The following SOX6 variants were observed in gnomAD, a reference collection of about 807,000 sequenced individuals.
SOX6 encodes the protein SRY-box transcription factor 6, also known as transcription factor SOX-6.
A neutral mutation model predicts 97.8 loss-of-function variants in SOX6; 11 were observed. That is an observed-to-expected ratio of 0.11 (90% CI 0.07 to 0.19). SOX6 has a LOEUF of 0.19. Among genes scored for constraint, SOX6 ranks in the 10% least tolerant of loss-of-function variants. SOX6 has a pLI of 1.00. For missense variants in SOX6, 810 were observed against 1,039.5 expected, an observed-to-expected ratio of 0.78 and a Z score of 3.04; for synonymous variants, 360 against 371.4, an observed-to-expected ratio of 0.97 and a Z score of 0.35.
chr11:16,670,846 A>T (rs1280429007), intron 3 of SOX6, among the ~76,000 whole-genome samples: 1 of 151,354 alleles, frequency 6.6e-6, no homozygotes, highest in Non-Finnish European at 1.5e-5. Flanking sequence ...GCAGCCCAGG[A>T]GTGCAAAGCC....
chr11:16,565,931 C>T (rs1186094287), intron 4 of SOX6, among the ~76,000 whole-genome samples: 4 of 151,772 alleles, frequency 2.6e-5, no homozygotes, highest in Non-Finnish European at 5.9e-5. Flanking sequence ...CCCGTCTCTA[C>T]TAAAAATACA....
intron 13 of SOX6, among the ~76,000 whole-genome samples, chr11:15,995,557 C>CA (rs1190265689): frequency 6.6e-6 from 1 of 151,674 alleles, no homozygotes; most frequent in African/African-American, 2.4e-5. Flanking sequence ...ACTCAGAGAT[C>CA]AAAAAATAAA....
intron 4 of SOX6, among the ~76,000 whole-genome samples, chr11:16,587,110 A>G (rs542928514): frequency 7.2e-5 from 11 of 152,270 alleles, no homozygotes; most frequent in Admixed American, 3.9e-4. Flanking sequence ...TATTATCCCT[A>G]TTATCCAAGC....
chr11:16,141,562 A>C (rs1564978719), intron 6 of SOX6, among the ~76,000 whole-genome samples: 1 of 152,138 alleles, frequency 6.6e-6, no homozygotes, highest in Non-Finnish European at 1.5e-5. Flanking sequence ...AAAGCATGGC[A>C]AGGCATCACC....
At chr11:16,571,854 T>C (rs1480528769) in intron 4 of SOX6, among the ~76,000 whole-genome samples, 2 of 152,202 alleles carry the variant, frequency 1.3e-5, no homozygotes, top group Non-Finnish European at 2.9e-5. Flanking sequence ...GGTTTCGCCA[T>C]GTTGGCCAGG....
chr11:16,322,012 TA>T (rs917386062), intron 2 of SOX6, among the ~76,000 whole-genome samples: 16 of 151,594 alleles, frequency 1.1e-4, no homozygotes, highest in African/African-American at 3.1e-4. Context: ...ATGCCAACTT[TA>T]AAAAAAAATC....
chr11:16,662,368 T>G (rs1847771799), intron 3 of SOX6, among the ~76,000 whole-genome samples: 1 of 152,194 alleles, frequency 6.6e-6, no homozygotes. Flanking sequence ...AAGAATTCAA[T>G]GTAATTCTTA....
chr11:16,648,852 TA>T (rs1446883425), intron 3 of SOX6, among the ~76,000 whole-genome samples: 1 of 151,984 alleles, frequency 6.6e-6, no homozygotes, highest in African/African-American at 2.4e-5. Context: ...AAAACAAACT[TA>T]AAAATTATAT....
At chr11:16,237,153 G>C (rs1274901788) in intron 3 of SOX6, among the ~76,000 whole-genome samples, 1 of 151,950 alleles carries the variant, frequency 6.6e-6, no homozygotes, top group African/African-American at 2.4e-5. Flanking sequence ...ACTCGAACCT[G>C]TAAGAAAGTC....
At chr11:16,588,805 G>T (rs1185046727) in intron 4 of SOX6, among the ~76,000 whole-genome samples, 2 of 152,162 alleles carry the variant, frequency 1.3e-5, no homozygotes, top group Non-Finnish European at 2.9e-5. Context: ...GAAGCAGGAG[G>T]ATTATTTGAG....
chr11:16,420,941 T>C (rs1394870067), intron 1 of SOX6, among the ~76,000 whole-genome samples: 2 of 152,184 alleles, frequency 1.3e-5, no homozygotes, highest in Non-Finnish European at 2.9e-5. Flanking sequence ...AGGCCTAACA[T>C]TTAGCTAAGA....
chr11:16,134,648 T>C (rs1282610756), intron 6 of SOX6, among the ~76,000 whole-genome samples: 2 of 152,202 alleles, frequency 1.3e-5, no homozygotes, highest in East Asian at 1.9e-4. Flanking sequence ...GTTGTAGTGA[T>C]CTGTGATCAG....
intron 2 of SOX6, among the ~76,000 whole-genome samples, chr11:16,730,091 T>C (rs1358131893): frequency 6.6e-6 from 1 of 151,176 alleles, no homozygotes; most frequent in African/African-American, 2.4e-5. Context: ...CCCAGATTCA[T>C]AAAGCAAGTT....
chr11:16,518,710 C>T (rs1239999841), intron 4 of SOX6, among the ~76,000 whole-genome samples: 1 of 152,108 alleles, frequency 6.6e-6, no homozygotes, highest in South Asian at 2.1e-4. Flanking sequence ...GAAATATTTG[C>T]TGTGCTGTGT....
At chr11:16,503,809 C>A (rs915840981) in intron 4 of SOX6, among the ~76,000 whole-genome samples, 1 of 152,040 alleles carries the variant, frequency 6.6e-6, no homozygotes, top group African/African-American at 2.4e-5. Context: ...CTTTGGGAGG[C>A]CAAGGTGGGC....
chr11:16,595,602 C>CCA (rs1491411599), intron 4 of SOX6, among the ~76,000 whole-genome samples: 1 of 71,020 alleles, frequency 1.4e-5, no homozygotes. Flanking sequence ...ACCACCTCTA[C>CCA]CAAAAAAAAA....
chr11:16,052,330 A>G (rs1847706232), intron 10 of SOX6, among the ~76,000 whole-genome samples: 1 of 152,114 alleles, frequency 6.6e-6, no homozygotes, highest in South Asian at 2.1e-4. Flanking sequence ...CAATAGCCCT[A>G]GGCCAGAATG....
chr11:16,234,675 T>C lies in SOX6; in HGVS notation c.446-4A>G. On this transcript the variant is annotated splice_region_variant and splice_polypyrimidine_tract_variant and intron_variant, in intron 3 of 15. Transcript: ENST00000683767. ...AGTTTTTCCATGCAGGAGGAATCTATTAAAATACAAAAGTAAGTATTAAAA... is the reference window on the plus strand; with the variant it reads ...AGTTTTTCCATGCAGGAGGAATCTACTAAAATACAAAAGTAAGTATTAAAA... 1 of 1,504,476 alleles carries C rather than the reference T, an allele frequency of 6.6e-7. No individual in the cohort carries two copies. Among genetic ancestry groups the C allele is most frequent in the Non-Finnish European group, 9.1e-7 (1 of 1,092,898 alleles). 93.2% of individuals were successfully genotyped at this position (1,504,476 alleles called of 1,614,324 possible).
In SOX6 at chr11:16,721,068, C is replaced by T. The variant is rs556588071; in HGVS notation, n.354-6163G>A. Among the ~76,000 whole-genome samples the T allele has an allele frequency of 1.4e-4, 21 of 152,094 alleles. No individual in the cohort carries two copies. The South Asian group carries it at 1.5e-3, about 11-fold the overall frequency. On this transcript the variant is annotated intron_variant and non_coding_transcript_variant, in intron 2 of 5. Coordinates refer to the SOX6 transcript ENST00000524520. ...GGGTACATTTTACCCAGGTGAAGGA[C>T]GCGAATGGGCCTGAGGCCCAACTTA... is the stretch of plus-strand genomic sequence containing the variant.
Sources: gnomAD v4.1 joint callset for allele counts (sites outside exome capture counted in the v4.1 genomes callset) on GRCh38, gnomAD v4.1.1 for gene constraint, MANE v1.5 for transcripts, NCBI Gene and HGNC (gene_info 2026-07-23, HGNC 2026-07-21) for gene names.